Variants in PTPRZ1 observed in about 807,000 individuals in gnomAD.
PTPRZ1 encodes the protein protein tyrosine phosphatase receptor type Z1.
PTPRZ1 carries 82 observed loss-of-function variants against 214.1 expected under a neutral mutation model. The ratio of observed to expected loss-of-function variants is 0.38; its 90% confidence interval spans 0.32 to 0.46. The LOEUF is 0.46. PTPRZ1 is among the 20% of genes least tolerant of loss of function. The pLI, the probability that PTPRZ1 is intolerant of heterozygous loss-of-function variation, is 1.00. For synonymous variants in PTPRZ1, 945 were observed against 987.9 expected (o/e 0.96, Z 0.81); for missense variants, 2,603 against 2,748.7 (o/e 0.95, Z 1.19).
chr7:121,898,221 C>T (rs1794858949), intron 1 of PTPRZ1, among the ~76,000 whole-genome samples: 1 of 150,940 alleles, frequency 6.6e-6, no homozygotes. Flanking sequence ...ACTGAATTCA[C>T]TTCAGAGAAG....
intron 2 of PTPRZ1, among the ~76,000 whole-genome samples, chr7:121,931,683 T>G (rs946412063): frequency 6.6e-6 from 1 of 152,140 alleles, no homozygotes; most frequent in South Asian, 2.1e-4. Flanking sequence ...CATACCATTG[T>G]GCAATATCTT....
intron 19 of PTPRZ1, among the ~76,000 whole-genome samples, chr7:122,039,204 A>G (rs755144205): frequency 2.6e-5 from 4 of 152,284 alleles, no homozygotes; most frequent in East Asian, 1.9e-4. Flanking sequence ...TGTAACCTGA[A>G]TCTTCTGACT....
Position 121,879,132 on chromosome 7 carries a change from T to C in PTPRZ1, c.58+5575T>C, listed in dbSNP as rs192222317. Among the ~76,000 whole-genome samples the C allele has an allele frequency of 2.2e-3, 337 of 152,348 alleles. 2 individuals carry two copies. Among genetic ancestry groups the C allele is most frequent in the African/African-American group, 7.3e-3 (302 of 41,564 alleles). ...GATTAATGCCTGTACAAGCATTACATAGATCCAGACACTATCTGTGCATGG... is the reference window on the plus strand; with the variant it reads ...GATTAATGCCTGTACAAGCATTACACAGATCCAGACACTATCTGTGCATGG... On this transcript the variant is annotated intron_variant, in intron 1 of 29. Coordinates refer to ENST00000393386, the MANE Select transcript of PTPRZ1 (RefSeq NM_002851.3).
intron 13 of PTPRZ1, among the ~76,000 whole-genome samples, chr7:122,021,675 G>A (rs1416453639): frequency 6.6e-6 from 1 of 152,066 alleles, no homozygotes; most frequent in Non-Finnish European, 1.5e-5. Context: ...CAGGAGTCAA[G>A]GTTACAGTGA....
At chr7:121,911,306 C>T (rs1795269457) in intron 1 of PTPRZ1, among the ~76,000 whole-genome samples, 1 of 151,972 alleles carries the variant, frequency 6.6e-6, no homozygotes, top group South Asian at 2.1e-4. Flanking sequence ...CAGTTATGAC[C>T]TGCATGGATT....
chr7:121,927,697 A>T (rs1480556816), intron 1 of PTPRZ1, among the ~76,000 whole-genome samples: 1 of 152,218 alleles, frequency 6.6e-6, no homozygotes, highest in Non-Finnish European at 1.5e-5. Context: ...AAGGAAGCAA[A>T]TTTTGAAAGC....
chr7:122,026,556 T>G (rs749651339), intron 13 of PTPRZ1, among the ~76,000 whole-genome samples: 2 of 152,180 alleles, frequency 1.3e-5, no homozygotes, highest in Admixed American at 6.5e-5. Context: ...ATAGTTTCTG[T>G]GGCCCTCATG....
At chr7:121,973,084 T>C (rs747494222) in intron 4 of PTPRZ1, among the ~76,000 whole-genome samples, 42 of 152,144 alleles carry the variant, frequency 2.8e-4, no homozygotes, top group Non-Finnish European at 5.3e-4. Flanking sequence ...TTTTCTTACA[T>C]GTCTAGAGAA....
intron 27 of PTPRZ1, among the ~76,000 whole-genome samples, chr7:122,056,145 C>T (rs2150493422): frequency 6.6e-6 from 1 of 151,982 alleles, no homozygotes; most frequent in African/African-American, 2.4e-5. Context: ...CCATTTAGAT[C>T]TGCCATCTCT....
chr7:121,968,486 A>G (rs559784144), intron 3 of PTPRZ1, among the ~76,000 whole-genome samples: 34 of 152,230 alleles, frequency 2.2e-4, no homozygotes, highest in Non-Finnish European at 4.7e-4. Context: ...GCCTAGCCTC[A>G]TGTTATAGTC....
In PTPRZ1 at chr7:121,996,409, A is replaced by G. The variant is rs1451692727; in HGVS notation, c.956A>G (p.Gln319Arg). Residue 319 changes from glutamine to arginine, a missense_variant, in exon 9 of 30, where the codon CAG becomes CGG. Transcript: ENST00000393386. ...AVCSSEPENV[Q>R]ADPENYTSLL... Reference sequence around the variant, plus strand: ...TGTAGTTCAGAACCAGAAAATGTTCAGGCTGACCCAGAGAATTATACCAGC... The same window carrying G: ...TGTAGTTCAGAACCAGAAAATGTTCGGGCTGACCCAGAGAATTATACCAGC... 2.5e-6 allele frequency: 4 copies of G among 1,606,764 alleles called. No individual in the cohort carries two copies. The Admixed American group carries it at 5.0e-5, about 20-fold the overall frequency.
intron 2 of PTPRZ1, among the ~76,000 whole-genome samples, chr7:121,958,059 T>C (rs890987237): frequency 4.6e-5 from 7 of 152,206 alleles, no homozygotes; most frequent in Non-Finnish European, 1.5e-5. Flanking sequence ...TCCCTCTGTC[T>C]TAAAAAAATC....
chr7:121,971,864 T>C (rs1351726096), intron 3 of PTPRZ1, among the ~76,000 whole-genome samples: 4 of 152,204 alleles, frequency 2.6e-5, no homozygotes, highest in Admixed American at 2.6e-4. Context: ...GACATCCAAA[T>C]CTTTCACTGG....
chr7:122,010,285 TTTTCTC>T (rs776830092), intron 11 of PTPRZ1, 43 bp from the exon 12 acceptor site: 28 of 1,521,296 alleles, frequency 1.8e-5, no homozygotes, highest in Non-Finnish European at 2.5e-5. Flanking sequence ...AAGATTTTCT[TTTTCTC>T]TTATTTCCTT....
intron 2 of PTPRZ1, among the ~76,000 whole-genome samples, chr7:121,929,217 CCTT>C: frequency 6.6e-6 from 1 of 151,960 alleles, no homozygotes; most frequent in East Asian, 1.9e-4. Context: ...CTGCTATAGT[CCTT>C]TTAGACAGTT....
At chr7:121,923,658 AT>A (rs1031951979) in intron 1 of PTPRZ1, among the ~76,000 whole-genome samples, 6 of 151,050 alleles carry the variant, frequency 4.0e-5, no homozygotes, top group South Asian at 2.1e-4. Context: ...ATTTATAATG[AT>A]TTTTTTTAGT....
At chr7:121,958,056 G>C (rs891069252) in intron 2 of PTPRZ1, among the ~76,000 whole-genome samples, 3 of 151,378 alleles carry the variant, frequency 2.0e-5, no homozygotes, top group African/African-American at 7.3e-5. Context: ...GTTTCCCTCT[G>C]TCTTAAAAAA....
At chr7:121,874,920 A>C (rs1484106993) in intron 1 of PTPRZ1, among the ~76,000 whole-genome samples, 1 of 152,192 alleles carries the variant, frequency 6.6e-6, no homozygotes, top group Non-Finnish European at 1.5e-5. Flanking sequence ...TTAACAAAGA[A>C]GGCAGGTCCT....
chr7:121,979,865 T>C (rs952334914), intron 6 of PTPRZ1, among the ~76,000 whole-genome samples: 4 of 151,968 alleles, frequency 2.6e-5, no homozygotes, highest in African/African-American at 9.7e-5. Context: ...GAAAACACTG[T>C]AGTGAAATTT....
Sources: allele counts gnomAD v4.1 joint callset (sites outside exome capture counted in the v4.1 genomes callset), GRCh38; gene constraint gnomAD v4.1.1; transcripts MANE v1.5; gene names NCBI Gene and HGNC (gene_info 2026-07-23, HGNC 2026-07-21).